The following NALF1 variants were observed in gnomAD, a reference collection of about 807,000 sequenced individuals.
NALF1 encodes family with sequence similarity 155 member A.
Under a neutral mutation model 48.4 loss-of-function variants are expected in NALF1, and 3 were observed. The observed-to-expected ratio is 0.06, with a 90% CI of 0.03 to 0.16. The LOEUF is 0.16. Ranked by LOEUF, NALF1 falls within the 10% of genes least tolerant of loss-of-function variation. The pLI is 1.00. For synonymous variants in NALF1, 262 were observed against 245.7 expected (o/e 1.07, Z -0.62); for missense variants, 526 against 571.5 (o/e 0.92, Z 0.81).
At chr13:107,248,989 ATATAT>A (rs1880640909) in intron 1 of NALF1, among the ~76,000 whole-genome samples, 1 of 151,432 alleles carries the variant, frequency 6.6e-6, no homozygotes, top group African/African-American at 2.4e-5. Flanking sequence ...CACAACATAT[ATATAT>A]GTTGTGTAGA....
At chr13:107,666,118 T>C (rs1465739560) in intron 1 of NALF1, among the ~76,000 whole-genome samples, 2 of 152,130 alleles carry the variant, frequency 1.3e-5, no homozygotes, top group Admixed American at 6.6e-5. Context: ...AGCATTGTCA[T>C]AGTGAAGAAG....
At chr13:107,218,381 G>C (rs1302841464) in intron 1 of NALF1, among the ~76,000 whole-genome samples, 1 of 152,134 alleles carries the variant, frequency 6.6e-6, no homozygotes, top group Admixed American at 6.5e-5. Context: ...GGATGTATCT[G>C]GCAGAAATTT....
intron 1 of NALF1, among the ~76,000 whole-genome samples, chr13:107,503,318 G>T (rs1048341874): frequency 2.0e-5 from 3 of 151,984 alleles, no homozygotes; most frequent in African/African-American, 7.3e-5. Context: ...GGTAACAAAT[G>T]ATCTTTAAAT....
chr13:107,595,691 C>T (rs1001502458), intron 1 of NALF1, among the ~76,000 whole-genome samples: 1 of 152,108 alleles, frequency 6.6e-6, no homozygotes, highest in African/African-American at 2.4e-5. Context: ...CATGCCCTGC[C>T]TAATATAGCT....
chr13:107,675,425 A>G (rs998301812), intron 1 of NALF1, among the ~76,000 whole-genome samples: 6 of 151,974 alleles, frequency 3.9e-5, no homozygotes, highest in African/African-American at 1.4e-4. Context: ...GATGGGGGGG[A>G]AGGGAGGAAA....
At chr13:107,197,055 G>A (rs946428129) in intron 2 of NALF1, among the ~76,000 whole-genome samples, 1 of 152,104 alleles carries the variant, frequency 6.6e-6, no homozygotes, top group African/African-American at 2.4e-5. Context: ...GGGCCCGCTG[G>A]TAGAACCTGT....
At chr13:107,256,457 A>C (rs990545871) in intron 1 of NALF1, among the ~76,000 whole-genome samples, 2 of 152,248 alleles carry the variant, frequency 1.3e-5, no homozygotes, top group East Asian at 3.8e-4. Flanking sequence ...GAAAATGTCA[A>C]TAAACCACAT....
At chr13:107,186,853 T>C (rs1879185728) in intron 2 of NALF1, among the ~76,000 whole-genome samples, 1 of 152,232 alleles carries the variant, frequency 6.6e-6, no homozygotes, top group South Asian at 2.1e-4. Context: ...TACTCTGGGT[T>C]TCATGAGACT....
chr13:107,561,266 T>G (rs894241459), intron 1 of NALF1, among the ~76,000 whole-genome samples: 7 of 152,210 alleles, frequency 4.6e-5, no homozygotes, highest in African/African-American at 1.7e-4. Flanking sequence ...CAGGCTCACA[T>G]GTTGTACTTA....
intron 1 of NALF1, among the ~76,000 whole-genome samples, chr13:107,431,810 G>C (rs1385783920): frequency 6.6e-6 from 1 of 152,034 alleles, no homozygotes; most frequent in South Asian, 2.1e-4. Flanking sequence ...CTCTAAAAAG[G>C]CCATTGTATG....
rs573525083 is a variant in NALF1, at chr13:107,613,009, A to AG, written c.915+252672_915+252673insC. Reference sequence around the variant, plus strand: ...GTTTTTTTCCCACAATGAGAAAAAAAAAAAAGAAAAGAAAAGAAAGAAATG... The same window carrying AG: ...GTTTTTTTCCCACAATGAGAAAAAAAGAAAAAGAAAAGAAAAGAAAGAAATG... On this transcript the variant is annotated intron_variant, in intron 1 of 2. Coordinates refer to ENST00000375915, the MANE Select transcript of NALF1 (RefSeq NM_001080396.3). Among the ~76,000 whole-genome samples the AG allele has an allele frequency of 0.018, 2,738 of 151,478 alleles. 173 individuals carry two copies. The East Asian group carries it at 0.23, about 13-fold the overall frequency.
At chr13:107,376,530 T>G (rs1883343311) in intron 1 of NALF1, among the ~76,000 whole-genome samples, 1 of 152,136 alleles carries the variant, frequency 6.6e-6, no homozygotes, top group Non-Finnish European at 1.5e-5. Flanking sequence ...TCAATTAAAA[T>G]TATGCCACAG....
At chr13:107,675,577 T>G (rs568633151) in intron 1 of NALF1, among the ~76,000 whole-genome samples, 9 of 152,326 alleles carry the variant, frequency 5.9e-5, no homozygotes, top group Admixed American at 3.3e-4. Flanking sequence ...GTGTTTTTGT[T>G]TCATTAAATG....
chr13:107,517,586 C>T (rs1240407519), intron 1 of NALF1, among the ~76,000 whole-genome samples: 1 of 151,938 alleles, frequency 6.6e-6, no homozygotes, highest in South Asian at 2.1e-4. Context: ...GAGCCAAGAT[C>T]GCGCCACTGC....
chr13:107,649,071 T>G (rs1300204448), intron 1 of NALF1, among the ~76,000 whole-genome samples: 1 of 152,210 alleles, frequency 6.6e-6, no homozygotes, highest in Non-Finnish European at 1.5e-5. Context: ...TTTTTACATT[T>G]TGGATAAAAG....
At chr13:107,390,919 T>C (rs1883616812) in intron 1 of NALF1, among the ~76,000 whole-genome samples, 1 of 133,994 alleles carries the variant, frequency 7.5e-6, no homozygotes, top group Non-Finnish European at 1.7e-5. Context: ...AGAGGCTGTT[T>C]TAGAAAATGA....
chr13:107,524,101 G>T (rs1437442365), intron 1 of NALF1, among the ~76,000 whole-genome samples: 1 of 152,108 alleles, frequency 6.6e-6, no homozygotes, highest in Non-Finnish European at 1.5e-5. Flanking sequence ...TCTAAACAGT[G>T]CTATTATGGG....
chr13:107,833,391 A>G (rs897547094), intron 1 of NALF1, among the ~76,000 whole-genome samples: 8 of 152,198 alleles, frequency 5.3e-5, no homozygotes, highest in Admixed American at 4.6e-4. Context: ...TCATGGGATG[A>G]AAGTCACCTC....
chr13:107,700,832 C>T (rs948795354), intron 1 of NALF1, among the ~76,000 whole-genome samples: 3 of 152,036 alleles, frequency 2.0e-5, no homozygotes, highest in African/African-American at 7.2e-5. Context: ...GGGCAAAGGA[C>T]CTGAACAGAT....
Sources: allele counts gnomAD v4.1 joint callset (sites outside exome capture counted in the v4.1 genomes callset), GRCh38; gene constraint gnomAD v4.1.1; transcripts MANE v1.5; gene names NCBI Gene and HGNC (gene_info 2026-07-23, HGNC 2026-07-21).